Variants in ATG7 observed in about 807,000 individuals in gnomAD.
ATG7 encodes ubiquitin-like modifier-activating enzyme ATG7.
Under a neutral mutation model 82.4 loss-of-function variants are expected in ATG7, and 70 were observed. The ratio of observed to expected loss-of-function variants is 0.85; its 90% CI spans 0.70 to 1.04. The LOEUF (loss-of-function observed/expected upper bound fraction) is 1.04, where lower values mean the gene tolerates loss of function less well. ATG7 is among the 50% of genes least tolerant of loss of function. The probability of loss-of-function intolerance (pLI) is 0.00; values close to 1 mark genes in which losing one functional copy is unlikely to be tolerated. For missense variants in ATG7, 792 were observed against 864.3 expected, an observed-to-expected ratio of 0.92 and a Z score of 1.05; for synonymous variants, 287 against 313.0, an observed-to-expected ratio of 0.92 and a Z score of 0.88.
chr3:11,320,752 G>C (rs1369914874), intron 9 of ATG7, among the ~76,000 whole-genome samples: 1 of 152,246 alleles, frequency 6.6e-6, no homozygotes, highest in African/African-American at 2.4e-5. Context: ...ATGAATTCAT[G>C]CATAAATGAG....
At chr3:11,431,187 A>T (rs2082847562) in intron 20 of ATG7, among the ~76,000 whole-genome samples, 1 of 152,228 alleles carries the variant, frequency 6.6e-6, no homozygotes, top group Non-Finnish European at 1.5e-5. Context: ...GGATCACTTG[A>T]GGTCAGGAGT....
rs575085310 is a variant in ATG7 at position 11,481,618 on chromosome 3, T to G, written c.2079+54692T>G. Among the ~76,000 whole-genome samples, 3 of 152,320 alleles carry G rather than the reference T, an allele frequency of 2.0e-5. No individual in the cohort carries two copies. In the East Asian group the frequency reaches 5.8e-4, roughly 29 times the overall value. On this transcript the variant is annotated intron_variant, in intron 20 of 20. Transcript: ENST00000693202. ...TAAGAGCAGGATCTCCTCTAATGAA[T>G]TGTATAACCTTTCCTGGGTTGGGCC...
intron 20 of ATG7, among the ~76,000 whole-genome samples, chr3:11,437,932 C>T (rs752774842): frequency 2.0e-5 from 3 of 152,130 alleles, no homozygotes; most frequent in South Asian, 2.1e-4. Context: ...AGTACATGTC[C>T]GAATTTTCCC....
intron 3 of ATG7, among the ~76,000 whole-genome samples, chr3:11,294,129 G>C (rs1275454375): frequency 6.6e-6 from 1 of 152,080 alleles, no homozygotes; most frequent in Non-Finnish European, 1.5e-5. Context: ...CTGCATTGTA[G>C]AGGAAAAGAG....
chr3:11,477,526 G>A (rs935107701), intron 20 of ATG7, among the ~76,000 whole-genome samples: 2 of 152,130 alleles, frequency 1.3e-5, no homozygotes, highest in East Asian at 1.9e-4. Context: ...AAAAGTTGCC[G>A]CAAAAGATAA....
the ATG7 span, chr3:11,569,070 C>T: frequency 6.9e-6 from 3 of 434,748 alleles, no homozygotes; most frequent in African/African-American, 4.3e-5. Flanking sequence ...TCCATAACAT[C>T]TGGGGAAAAG....
In ATG7 at chr3:11,299,413, A is replaced by T. The variant is rs377276138; in HGVS notation, c.212A>T (p.Asp71Val). 6.2e-7 allele frequency: 1 copy of T among 1,608,946 alleles called. No homozygotes were observed. Among genetic ancestry groups the T allele is most frequent in the Non-Finnish European group, 8.5e-7 (1 of 1,175,326 alleles). The change falls in exon 5 of 21, where the codon GAC (aspartate) becomes GTC (valine). Residue 71 changes from aspartate (D) to valine (V), a missense_variant. Physicochemically the swap from Asp to Val is radical, Grantham distance 152. Coordinates refer to ENST00000693202, the MANE Select transcript of ATG7 (RefSeq NM_001349232.2). Reference protein sequence around the residue: ...ARLTLEFSAFDMSAPTPARCC... With the variant: ...ARLTLEFSAFVMSAPTPARCC... ...TTAACATTGGAGTTCAGTGCTTTTG[A>T]CATGTGAGTATTTATTTGTTCAAAA... is the stretch of plus-strand genomic sequence containing the variant.
At position 11,538,107 on chromosome 3, in the gene ATG7, C is replaced by A. The variant is rs1169411539; in HGVS notation, c.2080-16704C>A. 1.1e-4 allele frequency among the ~76,000 whole-genome samples: 16 copies of A among 151,202 alleles called. No homozygotes were observed. The Admixed American group carries it at 1.1e-3, about 10-fold the overall frequency. ...TGGACCCCAGGGCTGACAGATGTTC[C>A]TGAGGGCCACAGGGAACCTGACGGA... On this transcript the variant is annotated intron_variant, in intron 20 of 20. Transcript: ENST00000693202.
intron 19 of ATG7, among the ~76,000 whole-genome samples, chr3:11,393,730 G>A (rs111999785): frequency 0.028 from 4,186 of 152,150 alleles, 189 homozygotes; most frequent in African/African-American, 0.094. Flanking sequence ...GCCCAGGCTG[G>A]AGTGCAGAGG....
At chr3:11,477,268 G>A in intron 20 of ATG7, 5 of 1,248,114 alleles carry the variant, frequency 4.0e-6, no homozygotes, top group South Asian at 2.7e-5. Context: ...TGTTCCATAA[G>A]GTAGATGAAC....
At chr3:11,487,468 C>CA in intron 20 of ATG7, among the ~76,000 whole-genome samples, 1 of 70,182 alleles carries the variant, frequency 1.4e-5, no homozygotes, top group East Asian at 3.9e-4. Context: ...GGGGGGCTGA[C>CA]CCCCCAACCT....
intron 20 of ATG7, among the ~76,000 whole-genome samples, chr3:11,459,582 C>T (rs559028807): frequency 7.2e-5 from 11 of 151,952 alleles, no homozygotes; most frequent in Middle Eastern, 3.4e-3. Flanking sequence ...CTTCATGGTT[C>T]CTGGAAGCCA....
chr3:11,308,747 C>T lies in ATG7; in HGVS notation c.334-237C>T, dbSNP rs551125610. 33 of 569,566 alleles carry T rather than the reference C, an allele frequency of 5.8e-5. No homozygotes were observed. The African/African-American group carries it at 5.8e-4, about 10-fold the overall frequency. The allele number at this position is 569,566 out of a possible 1,614,324, so 35.3% of individuals were successfully genotyped here. A position where few individuals can be genotyped will look rare whatever the true frequency, so the allele number is the denominator to read the frequency against. ...GTTGCCCCCTCGGTGCTGAGATCTG[C>T]TGAGAGGAGGCGCCTGGGTTCCCTC... On this transcript the variant is annotated intron_variant, in intron 6 of 20. Coordinates refer to ENST00000693202, the MANE Select transcript of ATG7 (RefSeq NM_001349232.2).
In ATG7 at chr3:11,386,157, C is replaced by T. The variant is rs1392916834; in HGVS notation, c.1956+6105C>T. Among the ~76,000 whole-genome samples the T allele has an allele frequency of 3.3e-5, 5 of 152,318 alleles. No individual in the cohort carries two copies. In the Middle Eastern group the frequency reaches 0.017, roughly 518 times the overall value. ...AGTGACCACAAGCAAGGTGCTCCCCCACTCTGCCCGCCTTCATTTATTTTC... is the reference window on the plus strand; with the variant it reads ...AGTGACCACAAGCAAGGTGCTCCCCTACTCTGCCCGCCTTCATTTATTTTC... On this transcript the variant is annotated intron_variant, in intron 19 of 20. Transcript: ENST00000693202.
At chr3:11,379,940 G>C (rs1190577756) in intron 18 of ATG7, 32 bp from the exon 19 acceptor site, 3 of 1,597,770 alleles carry the variant, frequency 1.9e-6, no homozygotes, top group Non-Finnish European at 2.6e-6. Flanking sequence ...TTGTGTGTTT[G>C]ATGTGAATTG....
chr3:11,554,919 AC>A lies in ATG7; in HGVS notation c.*80del. ...CTCCATCGCCAGAGCAGGACTGCTG[AC>A]CCCAGGCCTGGTGATTCTGGGCCCC... On this transcript the variant is annotated 3_prime_UTR_variant, in exon 21 of 21. Coordinates refer to ENST00000693202, the MANE Select transcript of ATG7 (RefSeq NM_001349232.2). 1.9e-6 allele frequency: 3 copies of A among 1,547,530 alleles called. No homozygotes were observed. The highest frequency in any genetic ancestry group is 8.8e-7 in the Non-Finnish European group (1 of 1,141,858).
At chr3:11,512,779 G>A (rs148351833) in intron 20 of ATG7, among the ~76,000 whole-genome samples, 241 of 152,306 alleles carry the variant, frequency 1.6e-3, no homozygotes, top group African/African-American at 4.8e-3. Context: ...GGACCTGAGC[G>A]GGTTGCCATT....
chr3:11,524,592 C>G (rs1009774386), intron 20 of ATG7, among the ~76,000 whole-genome samples: 1 of 152,096 alleles, frequency 6.6e-6, no homozygotes, highest in Non-Finnish European at 1.5e-5. Flanking sequence ...AACCCCATCT[C>G]TCCTAAAAAT....
chr3:11,489,011 C>G (rs967232361), intron 20 of ATG7, among the ~76,000 whole-genome samples: 10 of 152,072 alleles, frequency 6.6e-5, no homozygotes, highest in Non-Finnish European at 1.2e-4. Flanking sequence ...TGGTAGAATT[C>G]GGCTGTGAAT....
Sources: gnomAD v4.1 joint callset for allele counts (sites outside exome capture counted in the v4.1 genomes callset) on GRCh38, gnomAD v4.1.1 for gene constraint, MANE v1.5 for transcripts, NCBI Gene and HGNC (gene_info 2026-07-23, HGNC 2026-07-21) for gene names.